Variants in CADM2 observed in about 807,000 individuals in gnomAD.
The protein encoded by CADM2 is immunoglobulin superfamily member 4D.
A neutral mutation model predicts 49.8 loss-of-function variants in CADM2; 12 were observed. The ratio of observed to expected loss-of-function variants is 0.24; its 90% CI spans 0.15 to 0.39. The LOEUF (loss-of-function observed/expected upper bound fraction) is 0.39. Ranked by LOEUF, CADM2 falls within the 10% of genes least tolerant of loss-of-function variation. The probability of loss-of-function intolerance (pLI) is 1.00; values close to 1 mark genes in which losing one functional copy is unlikely to be tolerated. For synonymous variants in CADM2, 214 were observed against 175.4 expected (o/e 1.22, Z -1.74); for missense variants, 378 against 492.3 (o/e 0.77, Z 2.20).
chr3:85,617,208 A>T (rs1432507990), intron 1 of CADM2, among the ~76,000 whole-genome samples: 1 of 152,086 alleles, frequency 6.6e-6, no homozygotes, highest in Non-Finnish European at 1.5e-5. Context: ...GACAGCACTC[A>T]CAAGTCTGGA....
At chr3:85,419,351 A>G (rs1440614909) in intron 1 of CADM2, among the ~76,000 whole-genome samples, 2 of 152,022 alleles carry the variant, frequency 1.3e-5, no homozygotes, top group Non-Finnish European at 2.9e-5. Context: ...CCAGCTACTC[A>G]GGAGGCTGAG....
At chr3:85,049,030 G>A (rs935920808) in intron 1 of CADM2, among the ~76,000 whole-genome samples, 16 of 152,142 alleles carry the variant, frequency 1.1e-4, no homozygotes, top group African/African-American at 3.9e-4. Flanking sequence ...CACAGTCTTA[G>A]TGAGAATGAA....
Position 85,329,993 on chromosome 3 carries a change from A to G in CADM2, c.61+370325A>G, listed in dbSNP as rs187813383. ...TCAATTTTATTGGCTGCTGTTTAGG[A>G]GATAACTCATTTCTCAATTTTTCTG... On this transcript the variant is annotated intron_variant, in intron 1 of 9. Transcript: ENST00000383699. Among the ~76,000 whole-genome samples, 319 of 152,296 alleles carry G rather than the reference A, an allele frequency of 2.1e-3. 3 individuals are homozygous for G. Among genetic ancestry groups the G allele is most frequent in the Admixed American group, 0.018 (270 of 15,292 alleles).
intron 1 of CADM2, among the ~76,000 whole-genome samples, chr3:85,693,821 G>C (rs759690923): frequency 2.0e-5 from 3 of 148,622 alleles, no homozygotes; most frequent in Non-Finnish European, 3.0e-5. Flanking sequence ...ACTTGAACCC[G>C]GGAGGCAGAG....
At chr3:85,206,176 T>A (rs2041628042) in intron 1 of CADM2, among the ~76,000 whole-genome samples, 1 of 152,122 alleles carries the variant, frequency 6.6e-6, no homozygotes, top group South Asian at 2.1e-4. Context: ...CTTAATTTTA[T>A]TAATCTCACT....
chr3:85,258,287 T>C (rs1481754140), intron 1 of CADM2, among the ~76,000 whole-genome samples: 1 of 152,096 alleles, frequency 6.6e-6, no homozygotes, highest in Non-Finnish European at 1.5e-5. Context: ...AAATGCAAAT[T>C]GAAATTTCTG....
At chr3:85,856,039 A>G (rs1362292154) in intron 3 of CADM2, among the ~76,000 whole-genome samples, 1 of 152,168 alleles carries the variant, frequency 6.6e-6, no homozygotes, top group Non-Finnish European at 1.5e-5. Flanking sequence ...ACCCTCTTCT[A>G]CATTTCTTGG....
At position 85,198,148 on chromosome 3, in the gene CADM2, C is replaced by T. The variant is rs1166539823; in HGVS notation, c.61+238480C>T. Among the ~76,000 whole-genome samples, 3 of 151,796 alleles carry T rather than the reference C, an allele frequency of 2.0e-5. No individual in the cohort carries two copies. The East Asian group carries it at 5.8e-4, about 29-fold the overall frequency. On this transcript the variant is annotated intron_variant, in intron 1 of 9. Transcript: ENST00000383699. ...TTATACTAGTACACATGTATTGAAA[C>T]AAATTGGCCTAATTAACAGAATTAT...
intron 8 of CADM2, among the ~76,000 whole-genome samples, chr3:85,968,995 A>G (rs1198707685): frequency 6.6e-6 from 1 of 151,522 alleles, no homozygotes; most frequent in Non-Finnish European, 1.5e-5. Flanking sequence ...CTTCTCTCCA[A>G]TTCATCACGA....
rs1291018277 is a variant in CADM2 at position 85,192,807 on chromosome 3, G to A, written c.61+233139G>A. Among the ~76,000 whole-genome samples the A allele has an allele frequency of 3.3e-5, 5 of 151,972 alleles. No individual in the cohort carries two copies. In the East Asian group the frequency reaches 9.7e-4, roughly 29 times the overall value. ...TTAACTTACTACAGGGTTAATGTTA[G>A]ATAACAGAGAAATAAGATGGGTATA... is the stretch of plus-strand genomic sequence containing the variant. On this transcript the variant is annotated intron_variant, in intron 1 of 9. Coordinates refer to ENST00000383699, the MANE Select transcript of CADM2 (RefSeq NM_001167675.2).
intron 1 of CADM2, among the ~76,000 whole-genome samples, chr3:85,416,494 A>C (rs1057034549): frequency 1.3e-5 from 2 of 152,216 alleles, no homozygotes; most frequent in African/African-American, 4.8e-5. Flanking sequence ...CTTATACAAC[A>C]GAAAAGGGCT....
At chr3:85,895,072 C>T (rs2108431248) in intron 5 of CADM2, among the ~76,000 whole-genome samples, 1 of 152,278 alleles carries the variant, frequency 6.6e-6, no homozygotes, top group African/African-American at 2.4e-5. Flanking sequence ...GTCCTTCAGA[C>T]CTGAGAATGG....
At chr3:85,638,634 AT>A (rs1306579207) in intron 1 of CADM2, among the ~76,000 whole-genome samples, 1 of 152,012 alleles carries the variant, frequency 6.6e-6, no homozygotes, top group African/African-American at 2.4e-5. Flanking sequence ...TACTAAGGTT[AT>A]TTTTTTAAAT....
chr3:85,884,744 A>T (rs9849865), intron 4 of CADM2, among the ~76,000 whole-genome samples: 96,531 of 144,120 alleles, frequency 0.67, 32,465 homozygotes, highest in African/African-American at 0.83. Context: ...TTTTTTTTTT[A>T]AAACGGAGTC....
At chr3:85,965,971 G>T (rs564017611) in intron 8 of CADM2, among the ~76,000 whole-genome samples, 18 of 151,814 alleles carry the variant, frequency 1.2e-4, no homozygotes, top group African/African-American at 3.9e-4. Context: ...CGGAAAGTGA[G>T]AAACGCAAAT....
intron 8 of CADM2, among the ~76,000 whole-genome samples, chr3:86,000,239 G>T (rs1201500093): frequency 1.3e-5 from 2 of 152,078 alleles, no homozygotes; most frequent in Non-Finnish European, 2.9e-5. Flanking sequence ...AGAGGGGATT[G>T]TTTTCTAAAA....
At position 85,377,296 on chromosome 3, in the gene CADM2, T is replaced by G. The variant is rs79229834; in HGVS notation, c.62-349226T>G. On this transcript the variant is annotated intron_variant, in intron 1 of 9. Coordinates refer to ENST00000383699, the MANE Select transcript of CADM2 (RefSeq NM_001167675.2). ...ATGGTAGCTGCCTGTGTTCCCAAGATAGCGGAATTAGTGTCTACAGAAGCA... is the reference window on the plus strand; with the variant it reads ...ATGGTAGCTGCCTGTGTTCCCAAGAGAGCGGAATTAGTGTCTACAGAAGCA... 2.8e-3 allele frequency among the ~76,000 whole-genome samples: 425 copies of G among 152,208 alleles called. 1 individual carries two copies. Among genetic ancestry groups the G allele is most frequent in the Non-Finnish European group, 4.2e-3 (284 of 67,970 alleles).
intron 2 of CADM2, among the ~76,000 whole-genome samples, chr3:85,779,284 C>T (rs2070512357): frequency 6.6e-6 from 1 of 152,006 alleles, no homozygotes; most frequent in Non-Finnish European, 1.5e-5. Flanking sequence ...ATTTGTAAAG[C>T]TACTCTTTAA....
At chr3:85,578,730 A>G (rs1272177502) in intron 1 of CADM2, among the ~76,000 whole-genome samples, 1 of 152,200 alleles carries the variant, frequency 6.6e-6, no homozygotes, top group Non-Finnish European at 1.5e-5. Flanking sequence ...ATGAATTTAA[A>G]TTTCAATTAA....
Sources: gnomAD v4.1 joint callset for allele counts (sites outside exome capture counted in the v4.1 genomes callset) on GRCh38, gnomAD v4.1.1 for gene constraint, MANE v1.5 for transcripts, NCBI Gene and HGNC (gene_info 2026-07-23, HGNC 2026-07-21) for gene names.